The following ADPRHL1 variants were observed in gnomAD, a reference collection of about 807,000 sequenced individuals.
ADPRHL1 encodes the protein inactive ADP-ribosyltransferase ARH2.
Under a neutral mutation model 44.1 loss-of-function variants are expected in ADPRHL1, and 43 were observed. The observed-to-expected ratio is 0.98, with a 90% confidence interval of 0.76 to 1.26. The LOEUF (loss-of-function observed/expected upper bound fraction) is 1.26, where lower values mean the gene tolerates loss of function less well. ADPRHL1 is among the 50% of genes most tolerant of loss of function. ADPRHL1 has a pLI of 0.00. For synonymous variants in ADPRHL1, 878 were observed against 1,017.4 expected (o/e 0.86, Z 2.61); for missense variants, 2,022 against 2,496.9 (o/e 0.81, Z 4.05).
In ADPRHL1 at chr13:113,406,175, G is replaced by C. The variant is rs1595535879; in HGVS notation, c.3107C>G (p.Thr1036Arg). ...TGCCGCCAGTGACGTGGGGGCTCCT[G>C]TTGGGTTTCTCCCAGTCGGGGACGG... ...QVPSPTGRNP[T>R]GAPTSLAASS... is the part of the protein sequence containing the mutation. The change falls in exon 8 of 8, where the codon ACA (threonine) becomes AGA (arginine). Residue 1036 changes from threonine to arginine, a missense_variant. Transcript: ENST00000612156. 2.4e-6 allele frequency: 3 copies of C among 1,232,090 alleles called. No individual in the cohort carries two copies. Among genetic ancestry groups the C allele is most frequent in the African/African-American group, 1.6e-5 (1 of 64,436 alleles). 76.3% of individuals were successfully genotyped at this position (1,232,090 alleles called of 1,614,324 possible).
rs143904960 is a variant in ADPRHL1, at chr13:113,428,035, C to T, written c.646+917G>A. Among the ~76,000 whole-genome samples, 267 of 152,244 alleles carry T rather than the reference C, an allele frequency of 1.8e-3. 1 individual carries two copies. Among genetic ancestry groups the T allele is most frequent in the African/African-American group, 5.6e-3 (231 of 41,552 alleles). On this transcript the variant is annotated intron_variant, in intron 4 of 7. Coordinates refer to ENST00000612156, the MANE Select transcript of ADPRHL1 (RefSeq NM_001394807.1). Reference sequence around the variant, plus strand: ...AATCCCAGCACTTGGGAGGCCAAGGCGGGTCAGTTGAAGTCAGGGCGACCT... The same window carrying T: ...AATCCCAGCACTTGGGAGGCCAAGGTGGGTCAGTTGAAGTCAGGGCGACCT...
chr13:113,424,425 G>A, intron 5 of ADPRHL1, 76 bp from the exon 6 acceptor site: 8 of 1,580,852 alleles, frequency 5.1e-6, no homozygotes, highest in Non-Finnish European at 6.0e-6. Context: ...CAAGCTTTCT[G>A]GGCCCCTCCT....
chr13:113,412,745 C>A (rs190935164), intron 7 of ADPRHL1, among the ~76,000 whole-genome samples: 116 of 149,798 alleles, frequency 7.7e-4, no homozygotes, highest in Non-Finnish European at 8.8e-4. Context: ...CAGTGCCCCG[C>A]GGAGCTCGGT....
intron 7 of ADPRHL1, among the ~76,000 whole-genome samples, chr13:113,411,117 G>C (rs920475341): frequency 6.6e-6 from 1 of 152,124 alleles, no homozygotes; most frequent in African/African-American, 2.4e-5. Flanking sequence ...ACGTCAATCC[G>C]CCCCTTCCCA....
chr13:113,446,814 G>A (rs1016818811), intron 1 of ADPRHL1, among the ~76,000 whole-genome samples: 6 of 149,682 alleles, frequency 4.0e-5, no homozygotes, highest in Admixed American at 6.6e-5. Flanking sequence ...TTGTCTACAC[G>A]CACAGTGTTG....
At chr13:113,452,280 G>A (rs1595559357) in intron 1 of ADPRHL1, among the ~76,000 whole-genome samples, 2 of 152,294 alleles carry the variant, frequency 1.3e-5, no homozygotes, top group South Asian at 2.1e-4. Flanking sequence ...CCAGCAAGCC[G>A]GGAGCCTTAT....
intron 2 of ADPRHL1, among the ~76,000 whole-genome samples, chr13:113,442,241 G>A (rs979903734): frequency 6.6e-6 from 1 of 152,206 alleles, no homozygotes; most frequent in African/African-American, 2.4e-5. Flanking sequence ...GGTTGTTGAG[G>A]CCCAGGAGTT....
chr13:113,419,038 C>G (rs1595541699), intron 7 of ADPRHL1, among the ~76,000 whole-genome samples: 1 of 36,932 alleles, frequency 2.7e-5, no homozygotes, highest in African/African-American at 7.9e-5. Context: ...CCCTTCCCCT[C>G]CCCTTCCCTT....
At chr13:113,451,455 T>C (rs1209778487) in intron 1 of ADPRHL1, among the ~76,000 whole-genome samples, 2 of 152,186 alleles carry the variant, frequency 1.3e-5, no homozygotes, top group East Asian at 3.9e-4. Context: ...AGCAGCACAG[T>C]GAACCCTCCC....
At chr13:113,426,326 C>T (rs1232633432) in intron 4 of ADPRHL1, among the ~76,000 whole-genome samples, 1 of 152,236 alleles carries the variant, frequency 6.6e-6, no homozygotes, top group African/African-American at 2.4e-5. Flanking sequence ...CCACCTCCTG[C>T]TCCCTGGCAC....
intron 7 of ADPRHL1, among the ~76,000 whole-genome samples, chr13:113,411,067 T>A (rs1244724214): frequency 2.0e-5 from 3 of 152,326 alleles, no homozygotes; most frequent in Admixed American, 1.3e-4. Context: ...GGGGACATTC[T>A]GATCATCTGA....
At chr13:113,418,120 C>T (rs73571502) in intron 7 of ADPRHL1, among the ~76,000 whole-genome samples, 4,327 of 152,182 alleles carry the variant, frequency 0.028, 74 homozygotes, top group South Asian at 0.075. Context: ...TTTTCGGATG[C>T]GTCGGGTTTA....
At chr13:113,452,779 A>G (rs1190756884) in intron 1 of ADPRHL1, among the ~76,000 whole-genome samples, 1 of 152,228 alleles carries the variant, frequency 6.6e-6, no homozygotes, top group Admixed American at 6.5e-5. Flanking sequence ...TTCACATTTC[A>G]AACTGGCTTA....
In ADPRHL1 at chr13:113,428,936, C is replaced by CG; in HGVS notation, c.646+15dup. The CG allele has an allele frequency of 1.9e-6, 3 of 1,611,810 alleles. No homozygotes were observed. The highest frequency in any genetic ancestry group is 2.5e-6 in the Non-Finnish European group (3 of 1,179,908). On this transcript the variant is annotated intron_variant, in intron 4 of 7. Coordinates refer to ENST00000612156, the MANE Select transcript of ADPRHL1 (RefSeq NM_001394807.1). ...ATCTGCTCTGAGTGCGGACTGGGGC[C>CG]GGGGGAGCGGCTCACCTGCCGTGTG...
chr13:113,408,199 G>A lies in ADPRHL1; in HGVS notation c.1083C>T (p.Cys361=), dbSNP rs997563048. 4 of 1,231,892 alleles carry A rather than the reference G, an allele frequency of 3.2e-6. No homozygotes were observed. The African/African-American group carries it at 6.2e-5, about 19-fold the overall frequency. 76.3% of individuals were successfully genotyped at this position (1,231,892 alleles called of 1,614,324 possible). The change falls in exon 8 of 8, where the codon TGC becomes TGT. Residue 361 remains cysteine, a synonymous_variant. Transcript: ENST00000612156. ...GGGCGTCCACAGACATGACGTCACT[G>A]CAGGTCTTGCTGCTCTTCCGGCTGC... ...TEENRKSSKT[C]SDVMSVDAQT... is the part of the protein sequence containing the mutation.
In ADPRHL1 at chr13:113,404,251, C is replaced by T. The variant is rs140555231; in HGVS notation, c.5031G>A (p.Arg1677=). Residue 1677 remains arginine (R), a synonymous_variant, in exon 8 of 8, where the codon CGG becomes CGA. Coordinates refer to ENST00000612156, the MANE Select transcript of ADPRHL1 (RefSeq NM_001394807.1). ...QAQKGAQERA[R]EQAQKGAQER... ...CCTGAGCCCCTTTCTGGGCCTGTTCCCGAGCCCGTTCCTGAGCCCCCTTCT... is the reference window on the plus strand; with the variant it reads ...CCTGAGCCCCTTTCTGGGCCTGTTCTCGAGCCCGTTCCTGAGCCCCCTTCT... 1.8e-3 allele frequency: 2,304 copies of T among 1,269,686 alleles called. 5 individuals are homozygous for T. Among genetic ancestry groups the T allele is most frequent in the Admixed American group, 3.1e-3 (76 of 24,538 alleles). 78.7% of individuals were successfully genotyped at this position (1,269,686 alleles called of 1,614,324 possible).
At chr13:113,450,718 G>A (rs1193777845) in intron 1 of ADPRHL1, among the ~76,000 whole-genome samples, 1 of 152,124 alleles carries the variant, frequency 6.6e-6, no homozygotes, top group Admixed American at 6.5e-5. Context: ...TGCATATCAG[G>A]GACTATTAGT....
chr13:113,434,230 G>A (rs1239394659), intron 2 of ADPRHL1, among the ~76,000 whole-genome samples: 1 of 152,090 alleles, frequency 6.6e-6, no homozygotes, highest in Non-Finnish European at 1.5e-5. Flanking sequence ...ACGACCCTAA[G>A]ATTTTTATAC....
chr13:113,434,205 C>G (rs1967814651), intron 2 of ADPRHL1, among the ~76,000 whole-genome samples: 1 of 152,154 alleles, frequency 6.6e-6, no homozygotes, highest in African/African-American at 2.4e-5. Flanking sequence ...ACAAACTAGG[C>G]ATAATGAAAC....
Sources: gnomAD v4.1 joint callset for allele counts (sites outside exome capture counted in the v4.1 genomes callset) on GRCh38, gnomAD v4.1.1 for gene constraint, MANE v1.5 for transcripts, NCBI Gene and HGNC (gene_info 2026-07-23, HGNC 2026-07-21) for gene names.